Variants in MAST4 observed in about 807,000 individuals in gnomAD.
MAST4 encodes the protein microtubule-associated serine/threonine-protein kinase 4.
MAST4 carries 89 observed loss-of-function variants against 162.7 expected under a neutral mutation model. That is an observed-to-expected ratio of 0.55 (90% confidence interval 0.46 to 0.65). The LOEUF is 0.65. MAST4 is among the 30% of genes least tolerant of loss of function. The probability of loss-of-function intolerance (pLI) is 0.00; values close to 1 mark genes in which losing one functional copy is unlikely to be tolerated. For synonymous variants in MAST4, 1,479 were observed against 1,361.1 expected (o/e 1.09, Z -1.91); for missense variants, 3,153 against 3,374.0 (o/e 0.93, Z 1.62).
intron 4 of MAST4, among the ~76,000 whole-genome samples, chr5:67,019,780 G>A (rs1401107122): frequency 6.6e-6 from 1 of 152,082 alleles, no homozygotes; most frequent in Non-Finnish European, 1.5e-5. Flanking sequence ...GTTCTATCCG[G>A]GGAATTACTT....
intron 23 of MAST4, among the ~76,000 whole-genome samples, chr5:67,148,489 G>A (rs1165878857): frequency 6.6e-6 from 1 of 152,194 alleles, no homozygotes; most frequent in Non-Finnish European, 1.5e-5. Flanking sequence ...ACCAGGGTCA[G>A]TGATGTTCCA....
chr5:66,688,087 A>G (rs1332391663), intron 1 of MAST4, among the ~76,000 whole-genome samples: 1 of 152,212 alleles, frequency 6.6e-6, no homozygotes, highest in Non-Finnish European at 1.5e-5. Flanking sequence ...TTGGACAGTA[A>G]TATGGAATAG....
In MAST4 at chr5:66,596,643, G is replaced by T; in HGVS notation, c.-13G>T. On this transcript the variant is annotated 5_prime_UTR_variant, in exon 1 of 29. Transcript: ENST00000403625. ...CCCCGCCGCTCGGGAGGCACTTTGG[G>T]CCAGACAGGGAAATGGGGGAGAAAG... 6.9e-7 allele frequency: 1 copy of T among 1,440,258 alleles called. No individual in the cohort carries two copies. The allele number at this position is 1,440,258 out of a possible 1,614,324, so 89.2% of individuals were successfully genotyped here.
intron 1 of MAST4, among the ~76,000 whole-genome samples, chr5:66,652,026 T>C (rs1046868905): frequency 4.6e-5 from 7 of 152,168 alleles, no homozygotes; most frequent in African/African-American, 1.4e-4. Context: ...CCAGCCCACA[T>C]TTAAGGGGAG....
intron 2 of MAST4, among the ~76,000 whole-genome samples, chr5:66,787,762 T>G (rs1755183816): frequency 6.6e-6 from 1 of 152,234 alleles, no homozygotes; most frequent in African/African-American, 2.4e-5. Flanking sequence ...TCTGTTTTTT[T>G]GGAAGGAAAT....
intron 1 of MAST4, among the ~76,000 whole-genome samples, chr5:66,614,917 G>A (rs1013152717): frequency 2.6e-5 from 4 of 152,106 alleles, no homozygotes; most frequent in African/African-American, 9.7e-5. Flanking sequence ...TGGGGGTGGG[G>A]CACATGTGGC....
intron 26 of MAST4, among the ~76,000 whole-genome samples, chr5:67,159,132 A>G (rs1772893632): frequency 6.6e-6 from 1 of 152,244 alleles, no homozygotes. Flanking sequence ...AGTAAAAATC[A>G]TGTTTTTAAA....
chr5:66,764,821 G>GA (rs1754014360), intron 2 of MAST4, among the ~76,000 whole-genome samples: 1 of 152,078 alleles, frequency 6.6e-6, no homozygotes, highest in Non-Finnish European at 1.5e-5. Flanking sequence ...ATTAAAGAAA[G>GA]AAAAATATCT....
intron 12 of MAST4, among the ~76,000 whole-genome samples, chr5:67,117,449 G>A (rs1767051484): frequency 6.6e-6 from 1 of 151,976 alleles, no homozygotes; most frequent in Admixed American, 6.5e-5. Flanking sequence ...CATAATGTCT[G>A]CCCAGAAGGG....
rs564961284 is a variant in MAST4 at position 67,080,985 on chromosome 5, T to A, written c.764-9177T>A. Among the ~76,000 whole-genome samples the A allele has an allele frequency of 6.2e-3, 817 of 131,836 alleles. 25 individuals are homozygous for A. The highest frequency in any genetic ancestry group is 0.024 in the African/African-American group (769 of 31,764). The allele number at this position is 131,836 out of a possible 152,430, so 86.5% of individuals were successfully genotyped here. ...AATTGTATATATTATATAATATATATAATTGTATATATTATATAATATAAT... is the reference window on the plus strand; with the variant it reads ...AATTGTATATATTATATAATATATAAAATTGTATATATTATATAATATAAT... On this transcript the variant is annotated intron_variant, in intron 5 of 28. Coordinates refer to ENST00000403625, the MANE Select transcript of MAST4 (RefSeq NM_001164664.2).
chr5:66,964,197 G>A (rs1279820233), intron 4 of MAST4: 3 of 374,930 alleles, frequency 8.0e-6, no homozygotes, highest in African/African-American at 2.1e-5. Flanking sequence ...TATTTAAATT[G>A]TCTAAAGTGT....
intron 23 of MAST4, among the ~76,000 whole-genome samples, chr5:67,147,964 G>A (rs546363921): frequency 5.6e-4 from 86 of 152,300 alleles, no homozygotes; most frequent in Non-Finnish European, 2.5e-4. Context: ...TGCTGTCCAA[G>A]TTCCCAGCTA....
At chr5:66,716,914 A>T (rs1193387193) in intron 1 of MAST4, among the ~76,000 whole-genome samples, 1 of 152,200 alleles carries the variant, frequency 6.6e-6, no homozygotes, top group South Asian at 2.1e-4. Context: ...GCCAAGCAAT[A>T]TCCATTCAAC....
intron 3 of MAST4, among the ~76,000 whole-genome samples, chr5:66,894,586 G>A (rs913027466): frequency 3.9e-5 from 6 of 152,168 alleles, no homozygotes; most frequent in Admixed American, 2.0e-4. Context: ...AATTGTTAGT[G>A]CAGAGTACTT....
At chr5:66,992,406 C>A (rs1211041265) in intron 4 of MAST4, among the ~76,000 whole-genome samples, 1 of 152,178 alleles carries the variant, frequency 6.6e-6, no homozygotes, top group African/African-American at 2.4e-5. Context: ...ATAGCTACCA[C>A]TCCTTGGGAA....
At chr5:66,963,055 G>A (rs1455309968) in intron 4 of MAST4, among the ~76,000 whole-genome samples, 1 of 151,918 alleles carries the variant, frequency 6.6e-6, no homozygotes, top group East Asian at 1.9e-4. Flanking sequence ...GTTTGGATGG[G>A]TGGGTGGGGA....
At chr5:66,772,966 T>C (rs1391033912) in intron 2 of MAST4, among the ~76,000 whole-genome samples, 1 of 152,202 alleles carries the variant, frequency 6.6e-6, no homozygotes, top group African/African-American at 2.4e-5. Context: ...CATGCTTTAT[T>C]TGTTGCTCTG....
At chr5:66,969,500 G>C (rs532480630) in intron 4 of MAST4, among the ~76,000 whole-genome samples, 11 of 152,196 alleles carry the variant, frequency 7.2e-5, no homozygotes, top group Non-Finnish European at 1.3e-4. Flanking sequence ...GGAGCATATG[G>C]TGGTCCTAAG....
At chr5:66,826,612 C>CG (rs375954346) in intron 3 of MAST4, among the ~76,000 whole-genome samples, 2 of 152,094 alleles carry the variant, frequency 1.3e-5, no homozygotes, top group Non-Finnish European at 2.9e-5. Flanking sequence ...CCACCCCCCC[C>CG]AATCCCCCGT....
Sources: gnomAD v4.1 joint callset for allele counts (sites outside exome capture counted in the v4.1 genomes callset) on GRCh38, gnomAD v4.1.1 for gene constraint, MANE v1.5 for transcripts, NCBI Gene and HGNC (gene_info 2026-07-23, HGNC 2026-07-21) for gene names.